CTSE: variants seen among roughly 807,000 people sequenced by gnomAD.
The protein encoded by CTSE is erythrocyte membrane aspartic proteinase.
CTSE carries 43 observed loss-of-function variants against 42.8 expected under a neutral mutation model. The observed-to-expected ratio is 1.01, with a 90% confidence interval of 0.79 to 1.30. The LOEUF (loss-of-function observed/expected upper bound fraction) is 1.30, where lower values mean the gene tolerates loss of function less well. Among genes scored for constraint, CTSE ranks in the 50% most tolerant of loss-of-function variants. The pLI, the probability that CTSE is intolerant of heterozygous loss-of-function variation, is 0.00. For synonymous variants in CTSE, 205 were observed against 191.5 expected (o/e 1.07, Z -0.58); for missense variants, 532 against 493.5 (o/e 1.08, Z -0.74).
intron 4 of CTSE, among the ~76,000 whole-genome samples, chr1:206,016,893 A>C (rs1011119491): frequency 7.2e-5 from 11 of 152,132 alleles, no homozygotes; most frequent in African/African-American, 2.4e-4. Context: ...GGTGTATTAC[A>C]TATCCATATA....
chr1:206,015,797 G>C, intron 5 of CTSE, 134 bp downstream of exon 5: 1 of 737,762 alleles, frequency 1.4e-6, no homozygotes, highest in Non-Finnish European at 2.2e-6. Context: ...GAGGTTAAAT[G>C]TTTTGACTAA....
intron 4 of CTSE, among the ~76,000 whole-genome samples, chr1:206,018,555 C>T (rs1661323954): frequency 6.6e-6 from 1 of 151,708 alleles, no homozygotes. Context: ...GTGGAGTTTT[C>T]TTTGTGGAAA....
chr1:206,020,145 T>C (rs1571819326), intron 4 of CTSE, among the ~76,000 whole-genome samples: 1 of 147,590 alleles, frequency 6.8e-6, no homozygotes, highest in East Asian at 1.9e-4. Flanking sequence ...TATACAAATA[T>C]ACTGTATATT....
chr1:206,015,859 C>G, intron 5 of CTSE, 72 bp downstream of exon 5: 1 of 1,414,162 alleles, frequency 7.1e-7, no homozygotes, highest in South Asian at 1.3e-5. Flanking sequence ...CTTTTGACTG[C>G]TAAGTCAAGT....
intron 4 of CTSE, among the ~76,000 whole-genome samples, chr1:206,019,805 C>A: frequency 7.2e-6 from 1 of 139,526 alleles, no homozygotes; most frequent in East Asian, 2.0e-4. Flanking sequence ...AATAGATTAA[C>A]ATATTATGTA....
chr1:206,023,000 G>A lies in CTSE; in HGVS notation c.126C>T (p.Leu42=). The A allele has an allele frequency of 6.2e-7, 1 of 1,613,228 alleles. No homozygotes were observed. The highest frequency in any genetic ancestry group is 8.5e-7 in the Non-Finnish European group (1 of 1,179,494). ...LKKKLRARSQ[L]SEFWKSHNLD... is the part of the protein sequence containing the mutation. ...AATTATGGGATTTCCAGAACTCAGA[G>A]AGCTGGCTCCGTGCCCGCAGCTTCT... The change falls in exon 2 of 9, where the codon CTC becomes CTT. Residue 42 remains leucine (L), a synonymous_variant. Transcript: ENST00000358184.
chr1:206,021,282 G>T, intron 3 of CTSE, 115 bp from the exon 4 acceptor site: 1 of 804,684 alleles, frequency 1.2e-6, no homozygotes, highest in Non-Finnish European at 2.1e-6. Flanking sequence ...TCAACACTGA[G>T]TGGGGGCCCC....
intron 4 of CTSE, among the ~76,000 whole-genome samples, chr1:206,019,674 T>TTA (rs549021249): frequency 6.7e-6 from 1 of 148,348 alleles, no homozygotes; most frequent in Admixed American, 6.8e-5. Context: ...ATTTTAACTT[T>TTA]TATATATATA....
rs782512369 is a variant in CTSE, at chr1:206,023,821, C to T, written c.-30G>A. ...AGTCCGACCAGCAGCTTCTCCCTTG[C>T]CCCCTCCTTTCTTCTCTCCCCGAGG... On this transcript the variant is annotated 5_prime_UTR_variant, in exon 1 of 9. Coordinates refer to ENST00000358184, the MANE Select transcript of CTSE (RefSeq NM_001910.4). 2 of 1,609,734 alleles carry T rather than the reference C, an allele frequency of 1.2e-6. No individual in the cohort carries two copies. Among genetic ancestry groups the T allele is most frequent in the South Asian group, 2.2e-5 (2 of 90,972 alleles).
chr1:206,010,411 G>A (rs1553276789), intron 8 of CTSE, 64 bp from the exon 9 acceptor site: 3 of 1,433,086 alleles, frequency 2.1e-6, no homozygotes, highest in African/African-American at 1.4e-5. Flanking sequence ...ACTGCCTGGA[G>A]GCTGCCTGTG....
Position 206,012,346 on chromosome 1 carries a change from C to T in CTSE, c.988G>A (p.Val330Ile). The T allele has an allele frequency of 6.2e-7, 1 of 1,613,942 alleles. No individual in the cohort carries two copies. Among genetic ancestry groups the T allele is most frequent in the Non-Finnish European group, 8.5e-7 (1 of 1,179,908 alleles). ...GCAGTTGGGCTGAGGGTATAGGGGA[C>T]TCCGTTAATGGTGAAGGTGACATCC... Reference protein sequence around the residue: ...MPDVTFTINGVPYTLSPTAYT... With the variant: ...MPDVTFTINGIPYTLSPTAYT... The change falls in exon 8 of 9, where the codon GTC becomes ATC. Residue 330 changes from valine to isoleucine, a missense_variant. Coordinates refer to ENST00000358184, the MANE Select transcript of CTSE (RefSeq NM_001910.4).
intron 8 of CTSE, 62 bp downstream of exon 8, chr1:206,012,245 AG>A: frequency 7.4e-7 from 1 of 1,357,074 alleles, no homozygotes; most frequent in African/African-American, 1.4e-5. Flanking sequence ...GCGATTGAAA[AG>A]GGGAAGTGGC....
intron 4 of CTSE, among the ~76,000 whole-genome samples, chr1:206,018,722 T>A (rs28765494): frequency 6.6e-6 from 1 of 151,808 alleles, no homozygotes; most frequent in East Asian, 1.9e-4. Flanking sequence ...ACTTTACTAA[T>A]GTTCTCTTTC....
At chr1:206,018,282 G>C (rs1349021477) in intron 4 of CTSE, among the ~76,000 whole-genome samples, 3 of 151,898 alleles carry the variant, frequency 2.0e-5, no homozygotes, top group African/African-American at 7.2e-5. Context: ...ATGACCCTTG[G>C]TATGATCTTT....
intron 4 of CTSE, among the ~76,000 whole-genome samples, chr1:206,019,398 CAAT>C (rs1661349200): frequency 6.6e-6 from 1 of 151,914 alleles, no homozygotes; most frequent in Non-Finnish European, 1.5e-5. Flanking sequence ...TCTCCAGCCT[CAAT>C]GATGGGGATG....
chr1:206,010,787 C>T (rs1661073350), intron 8 of CTSE, among the ~76,000 whole-genome samples: 1 of 152,056 alleles, frequency 6.6e-6, no homozygotes, highest in African/African-American at 2.4e-5. Flanking sequence ...TAGTGGCTAT[C>T]CACTGCTATT....
At chr1:206,012,979 C>A (rs551378380) in intron 6 of CTSE, among the ~76,000 whole-genome samples, 2 of 152,152 alleles carry the variant, frequency 1.3e-5, no homozygotes, top group African/African-American at 4.8e-5. Context: ...CAGGTGTGAG[C>A]CACCACACCT....
intron 4 of CTSE, 24 bp downstream of exon 4, chr1:206,021,024 GA>G: frequency 6.6e-7 from 1 of 1,520,056 alleles, no homozygotes; most frequent in East Asian, 2.2e-5. Flanking sequence ...GTCCAAGAGA[GA>G]AAAAATGAAG....
intron 6 of CTSE, among the ~76,000 whole-genome samples, chr1:206,013,242 A>G (rs1661167498): frequency 6.6e-6 from 1 of 152,026 alleles, no homozygotes; most frequent in Non-Finnish European, 1.5e-5. Flanking sequence ...CTTCGTGCCC[A>G]GATATTGTAT....
Sources: allele counts gnomAD v4.1 joint callset (sites outside exome capture counted in the v4.1 genomes callset), GRCh38; gene constraint gnomAD v4.1.1; transcripts MANE v1.5; gene names NCBI Gene and HGNC (gene_info 2026-07-23, HGNC 2026-07-21).